The following POU2F3 variants were observed in gnomAD, a reference collection of about 807,000 sequenced individuals.
POU2F3 encodes the protein POU class 2 homeobox 3, also known as POU domain, class 2, transcription factor 3.
Under a neutral mutation model 59.2 loss-of-function variants are expected in POU2F3, and 23 were observed. The ratio of observed to expected loss-of-function variants is 0.39; its 90% CI spans 0.28 to 0.55. The LOEUF is 0.55. Among genes scored for constraint, POU2F3 ranks in the 20% least tolerant of loss-of-function variants. The pLI is 0.66. For synonymous variants in POU2F3, 190 were observed against 214.6 expected (o/e 0.89, Z 1.00); for missense variants, 473 against 544.5 (o/e 0.87, Z 1.31).
intron 10 of POU2F3, among the ~76,000 whole-genome samples, chr11:120,311,993 C>T (rs1168952825): frequency 6.6e-6 from 1 of 152,016 alleles, no homozygotes; most frequent in Admixed American, 6.5e-5. Flanking sequence ...GGAAAGACAC[C>T]CAAATCAGAA....
intron 5 of POU2F3, 107 bp downstream of exon 5, chr11:120,299,833 G>A: frequency 1.1e-6 from 1 of 893,486 alleles, no homozygotes; most frequent in Non-Finnish European, 1.7e-6. Flanking sequence ...GCGTCAGTCA[G>A]TCACCCATCT....
chr11:120,283,572 G>T (rs749509201), intron 3 of POU2F3, among the ~76,000 whole-genome samples: 3 of 152,114 alleles, frequency 2.0e-5, no homozygotes, highest in Non-Finnish European at 2.9e-5. Flanking sequence ...GGAAGCTCCC[G>T]AAAGCAGAGA....
chr11:120,236,940 C>T (rs939794932), upstream of POU2F3, among the ~76,000 whole-genome samples: 1 of 152,154 alleles, frequency 6.6e-6, no homozygotes, highest in Admixed American at 6.5e-5. Context: ...GGGTAAGTCC[C>T]CCTCCTTGTG....
intron 3 of POU2F3, among the ~76,000 whole-genome samples, chr11:120,287,154 G>A (rs17123780): frequency 0.15 from 22,338 of 152,168 alleles, 2,933 homozygotes; most frequent in African/African-American, 0.35. Context: ...ACCTAGTTTG[G>A]CATAACTTTA....
chr11:120,278,819 G>C, intron 3 of POU2F3, among the ~76,000 whole-genome samples: 1 of 152,076 alleles, frequency 6.6e-6, no homozygotes, highest in East Asian at 1.9e-4. Context: ...ATAAAATGAC[G>C]GGTTGATGGG....
At chr11:120,275,580 G>A (rs1259452705) in intron 3 of POU2F3, among the ~76,000 whole-genome samples, 1 of 152,188 alleles carries the variant, frequency 6.6e-6, no homozygotes, top group Non-Finnish European at 1.5e-5. Context: ...GGCAGATCAG[G>A]ACAGTGTTTT....
rs146334889 is a variant in POU2F3 at position 120,249,565 on chromosome 11, G to A, written c.97+3048G>A. Reference sequence around the variant, plus strand: ...TTTTTCTGTTCTCAATTATGTGGTTGATGAGAATATAGCCTTACCCATATT... The same window carrying A: ...TTTTTCTGTTCTCAATTATGTGGTTAATGAGAATATAGCCTTACCCATATT... On this transcript the variant is annotated intron_variant, in intron 2 of 12. Coordinates refer to ENST00000543440, the MANE Select transcript of POU2F3 (RefSeq NM_014352.4). Among the ~76,000 whole-genome samples the A allele has an allele frequency of 5.3e-5, 8 of 152,286 alleles. No homozygotes were observed. In the East Asian group the frequency reaches 1.5e-3, roughly 29 times the overall value.
chr11:120,261,763 C>T (rs931441745), intron 2 of POU2F3, among the ~76,000 whole-genome samples: 2 of 152,182 alleles, frequency 1.3e-5, no homozygotes, highest in African/African-American at 2.4e-5. Flanking sequence ...AGTCCTGGTA[C>T]GTTTCAATCA....
intron 2 of POU2F3, among the ~76,000 whole-genome samples, chr11:120,261,489 G>A (rs907094626): frequency 2.0e-5 from 3 of 152,170 alleles, no homozygotes; most frequent in Admixed American, 6.5e-5. Flanking sequence ...AGAACCAAAA[G>A]AGGCCTGGAG....
chr11:120,310,540 T>C (rs1294657818), intron 10 of POU2F3, among the ~76,000 whole-genome samples: 1 of 152,044 alleles, frequency 6.6e-6, no homozygotes, highest in African/African-American at 2.4e-5. Context: ...AGGGAGACAA[T>C]GAAGTTTAGG....
At chr11:120,260,319 T>G (rs1439261377) in intron 2 of POU2F3, among the ~76,000 whole-genome samples, 1 of 152,140 alleles carries the variant, frequency 6.6e-6, no homozygotes, top group East Asian at 1.9e-4. Context: ...AGGACCCTCC[T>G]AGGGGCCCCA....
chr11:120,283,988 G>T (rs1252312788), intron 3 of POU2F3, among the ~76,000 whole-genome samples: 1 of 152,018 alleles, frequency 6.6e-6, no homozygotes, highest in Non-Finnish European at 1.5e-5. Context: ...GACCAGCCTG[G>T]CCAACATGGT....
intron 1 of POU2F3, among the ~76,000 whole-genome samples, chr11:120,240,680 G>A (rs1324051742): frequency 2.0e-5 from 3 of 152,200 alleles, no homozygotes; most frequent in Non-Finnish European, 4.4e-5. Context: ...CATAGTCTCA[G>A]GAGGTTGCAG....
chr11:120,255,392 G>A (rs1165589995), intron 2 of POU2F3, among the ~76,000 whole-genome samples: 1 of 152,118 alleles, frequency 6.6e-6, no homozygotes. Context: ...GAAAGGAGAG[G>A]AAACTGGGTG....
chr11:120,257,933 C>G (rs1002237858), intron 2 of POU2F3, among the ~76,000 whole-genome samples: 1 of 152,244 alleles, frequency 6.6e-6, no homozygotes, highest in African/African-American at 2.4e-5. Context: ...AGCTCTGGAG[C>G]AAATGACCTT....
chr11:120,292,852 A>G (rs1941071152), intron 3 of POU2F3, among the ~76,000 whole-genome samples: 1 of 152,224 alleles, frequency 6.6e-6, no homozygotes, highest in African/African-American at 2.4e-5. Context: ...TTAGAACTGA[A>G]TTCAGGGGAT....
intron 5 of POU2F3, 99 bp downstream of exon 5, chr11:120,299,825 G>T (rs746625527): frequency 1.1e-5 from 11 of 971,108 alleles, no homozygotes; most frequent in Non-Finnish European, 1.5e-5. Flanking sequence ...GAGAGCATGC[G>T]TCAGTCAGTC....
At chr11:120,266,862 C>T (rs1394860531) in intron 2 of POU2F3, among the ~76,000 whole-genome samples, 1 of 152,218 alleles carries the variant, frequency 6.6e-6, no homozygotes, top group African/African-American at 2.4e-5. Flanking sequence ...CTCCATGAGG[C>T]CAGTGACTTC....
At chr11:120,277,652 T>C (rs1199667812) in intron 3 of POU2F3, among the ~76,000 whole-genome samples, 1 of 151,890 alleles carries the variant, frequency 6.6e-6, no homozygotes, top group Non-Finnish European at 1.5e-5. Flanking sequence ...CGCAGTGGCT[T>C]ATGCCTGTAG....
Sources: allele counts gnomAD v4.1 joint callset (sites outside exome capture counted in the v4.1 genomes callset), GRCh38; gene constraint gnomAD v4.1.1; transcripts MANE v1.5; gene names NCBI Gene and HGNC (gene_info 2026-07-23, HGNC 2026-07-21).